NKAIN1: variants seen among roughly 807,000 people sequenced by gnomAD.
The protein encoded by NKAIN1 is sodium/potassium transporting ATPase interacting 1, also known as sodium/potassium-transporting ATPase subunit beta-1-interacting protein 1.
In NKAIN1, 13 loss-of-function variants were observed where a neutral mutation model predicts 31.6. The ratio of observed to expected loss-of-function variants is 0.41; its 90% CI spans 0.27 to 0.65. The LOEUF (loss-of-function observed/expected upper bound fraction) is 0.65, where lower values mean the gene tolerates loss of function less well. Ranked by LOEUF, NKAIN1 falls within the 30% of genes least tolerant of loss-of-function variation. The probability of loss-of-function intolerance (pLI) is 0.30; values close to 1 mark genes in which losing one functional copy is unlikely to be tolerated. For synonymous variants in NKAIN1, 104 were observed against 109.0 expected, an observed-to-expected ratio of 0.95 and a Z score of 0.28; for missense variants, 193 against 262.2, an observed-to-expected ratio of 0.74 and a Z score of 1.82.
chr1:31,201,691 T>C (rs1570460886), intron 1 of NKAIN1, among the ~76,000 whole-genome samples: 1 of 152,160 alleles, frequency 6.6e-6, no homozygotes, highest in Non-Finnish European at 1.5e-5. Context: ...ATGAGGAAAC[T>C]GAGGCCCAGA....
intron 1 of NKAIN1, among the ~76,000 whole-genome samples, chr1:31,232,422 T>G (rs866386613): frequency 0.015 from 391 of 25,758 alleles, 44 homozygotes; most frequent in African/African-American, 0.039. Context: ...TATATATATA[T>G]ATAGAGAGAG....
chr1:31,206,734 G>A (rs1175770519), intron 1 of NKAIN1, among the ~76,000 whole-genome samples: 1 of 151,122 alleles, frequency 6.6e-6, no homozygotes, highest in African/African-American at 2.4e-5. Context: ...ACTGCACCTG[G>A]CCTATTTTAA....
rs147921029 is a variant in NKAIN1 at position 31,222,657 on chromosome 1, G to A, written c.54+16837C>T. 4.6e-5 allele frequency among the ~76,000 whole-genome samples: 7 copies of A among 152,256 alleles called. No individual in the cohort carries two copies. The East Asian group carries it at 1.4e-3, about 29-fold the overall frequency. On this transcript the variant is annotated intron_variant, in intron 1 of 6. Coordinates refer to ENST00000373736, the MANE Select transcript of NKAIN1 (RefSeq NM_024522.3). The stretch of plus-strand genomic sequence containing the variant: ...AGGAGCACATTAAACAGCTTTTCAA[G>A]GCTCCCCAACAAGGAAGCTCAGAAC...
At chr1:31,210,980 C>T (rs60621051) in intron 1 of NKAIN1, among the ~76,000 whole-genome samples, 1 of 152,138 alleles carries the variant, frequency 6.6e-6, no homozygotes, top group Non-Finnish European at 1.5e-5. Flanking sequence ...AAACACTCAA[C>T]AAAATAGAAA....
In NKAIN1 at chr1:31,203,776, G is replaced by A. The variant is rs556299602; in HGVS notation, c.55-15589C>T. ...ATTTCTGTATTTTTAGTAGAGATGG[G>A]GTTTCACTATGTTGGCCAGGCTAGT... On this transcript the variant is annotated intron_variant, in intron 1 of 6. Transcript: ENST00000373736. 3.3e-5 allele frequency among the ~76,000 whole-genome samples: 5 copies of A among 152,098 alleles called. No homozygotes were observed. In the East Asian group the frequency reaches 9.7e-4, roughly 29 times the overall value.
chr1:31,206,542 C>T (rs1009416036), intron 1 of NKAIN1, among the ~76,000 whole-genome samples: 8 of 152,130 alleles, frequency 5.3e-5, no homozygotes, highest in Admixed American at 5.2e-4. Flanking sequence ...CTCAAGTGAT[C>T]CTCCTGTCTC....
chr1:31,181,587 G>C lies in NKAIN1; in HGVS notation c.*116C>G. On this transcript the variant is annotated 3_prime_UTR_variant, in exon 7 of 7. Coordinates refer to ENST00000373736, the MANE Select transcript of NKAIN1 (RefSeq NM_024522.3). ...TCTCCAGATGCAGACGCGGGGTTGG[G>C]CACAGGCTGCAGTGAGCGCGCGGGC... The C allele has an allele frequency of 1.0e-6, 1 of 979,126 alleles. No individual in the cohort carries two copies. Among genetic ancestry groups the C allele is most frequent in the Non-Finnish European group, 1.4e-6 (1 of 719,496 alleles). 60.7% of individuals were successfully genotyped at this position (979,126 alleles called of 1,614,324 possible). A position where few individuals can be genotyped will look rare whatever the true frequency, so the allele number is the denominator to read the frequency against.
chr1:31,228,423 G>A (rs1645623840), intron 1 of NKAIN1, among the ~76,000 whole-genome samples: 1 of 152,118 alleles, frequency 6.6e-6, no homozygotes, highest in Non-Finnish European at 1.5e-5. Flanking sequence ...GAGGTATGGG[G>A]TGGGAAGAAG....
chr1:31,209,989 TAAA>T (rs71569969), intron 1 of NKAIN1, among the ~76,000 whole-genome samples: 2 of 137,148 alleles, frequency 1.5e-5, no homozygotes, highest in Non-Finnish European at 1.6e-5. Context: ...CCTGTCTTAT[TAAA>T]AAAAAAAAAA....
intron 1 of NKAIN1, among the ~76,000 whole-genome samples, chr1:31,216,880 G>A (rs903859011): frequency 6.6e-6 from 1 of 151,724 alleles, no homozygotes; most frequent in South Asian, 2.1e-4. Flanking sequence ...TTTTGTGTGT[G>A]TGTGAGATGG....
rs1645717651 is a variant in NKAIN1 at position 31,239,523 on chromosome 1, T to C, written c.25A>G (p.Thr9Ala). The change falls in exon 1 of 7, where the codon ACG becomes GCG. Residue 9 changes from threonine (T) to alanine (A), a missense_variant. Transcript: ENST00000373736. The surrounding 1 kb of genome is among the most constrained non-coding windows in gnomAD (Gnocchi z 4.8). ...TGCAGGCAGCAGAAGGCGACCAGCG[T>C]GCAGCGCCCGCTGCACTTGCCCATG... MGKCSGRC[T>A]LVAFCCLQLV... 8 of 1,378,482 alleles carry C rather than the reference T, an allele frequency of 5.8e-6. No individual in the cohort carries two copies. In the Admixed American group the frequency reaches 2.6e-4, roughly 46 times the overall value. 85.4% of individuals were successfully genotyped at this position (1,378,482 alleles called of 1,614,324 possible). A position where few individuals can be genotyped will look rare whatever the true frequency, so the allele number is the denominator to read the frequency against.
intron 3 of NKAIN1, among the ~76,000 whole-genome samples, chr1:31,184,542 A>T (rs1438757500): frequency 6.6e-6 from 1 of 152,130 alleles, no homozygotes; most frequent in African/African-American, 2.4e-5. Flanking sequence ...TCCCCTCAGC[A>T]ACCACATGAA....
At chr1:31,238,868 G>T (rs1394524619) in intron 1 of NKAIN1, among the ~76,000 whole-genome samples, 1 of 152,174 alleles carries the variant, frequency 6.6e-6, no homozygotes, top group Admixed American at 6.5e-5. Flanking sequence ...CCTTTCCCAG[G>T]ACTGCCCGGT....
intron 1 of NKAIN1, among the ~76,000 whole-genome samples, chr1:31,191,410 T>TG (rs1645285336): frequency 6.6e-6 from 1 of 151,570 alleles, no homozygotes. Flanking sequence ...GTTTTTTTTT[T>TG]TTTTTTTTTT....
chr1:31,202,078 C>T lies in NKAIN1; in HGVS notation c.55-13891G>A, dbSNP rs1170882255. ...ACCAGCTTGGAGCTGCTAGGGAGGC[C>T]CAGGATGCGACTGATTGGGCCAGCC... On this transcript the variant is annotated intron_variant, in intron 1 of 6. Transcript: ENST00000373736. Among the ~76,000 whole-genome samples the T allele has an allele frequency of 2.0e-5, 3 of 152,164 alleles. No individual in the cohort carries two copies. In the East Asian group the frequency reaches 5.8e-4, roughly 29 times the overall value.
At position 31,185,342 on chromosome 1, in the gene NKAIN1, G is replaced by A. The variant is rs1189683462; in HGVS notation, c.193-15C>T. 1.3e-6 allele frequency: 2 copies of A among 1,596,838 alleles called. No individual in the cohort carries two copies. Among genetic ancestry groups the A allele is most frequent in the South Asian group, 2.3e-5 (2 of 88,474 alleles). On this transcript the variant is annotated splice_polypyrimidine_tract_variant and intron_variant, in intron 2 of 6. Coordinates refer to ENST00000373736, the MANE Select transcript of NKAIN1 (RefSeq NM_024522.3). The stretch of plus-strand genomic sequence containing the variant: ...CAGGCTGCATACTGGGGAAAGCAGA[G>A]GTGGGATCAGGGTGGGGCCTGGGGA...
intron 2 of NKAIN1, 104 bp downstream of exon 2, chr1:31,187,946 G>A (rs1645257577): frequency 2.4e-6 from 3 of 1,232,712 alleles, no homozygotes; most frequent in South Asian, 1.6e-5. Context: ...CAAGACCAGT[G>A]CCCCAGTGTT....
rs144236386 is a variant in NKAIN1, at chr1:31,207,121, G to A, written c.55-18934C>T. 2.8e-4 allele frequency among the ~76,000 whole-genome samples: 43 copies of A among 152,296 alleles called. No individual in the cohort carries two copies. The East Asian group carries it at 8.3e-3, about 29-fold the overall frequency. Reference sequence around the variant, plus strand: ...TGTTAAATCCTTGGTTTCATACCAAGATCAGATTCTTGCTGCTTGTTCCCC... The same window carrying A: ...TGTTAAATCCTTGGTTTCATACCAAAATCAGATTCTTGCTGCTTGTTCCCC... On this transcript the variant is annotated intron_variant, in intron 1 of 6. Coordinates refer to ENST00000373736, the MANE Select transcript of NKAIN1 (RefSeq NM_024522.3).
intron 1 of NKAIN1, among the ~76,000 whole-genome samples, chr1:31,212,290 C>A (rs908589501): frequency 6.6e-6 from 1 of 152,014 alleles, no homozygotes; most frequent in African/African-American, 2.4e-5. Flanking sequence ...ACACCATATA[C>A]AAAAATTAAC....
Sources: allele counts gnomAD v4.1 joint callset (sites outside exome capture counted in the v4.1 genomes callset), GRCh38; gene constraint gnomAD v4.1.1; non-coding constraint Gnocchi (gnomAD v3.1); transcripts MANE v1.5; gene names NCBI Gene and HGNC (gene_info 2026-07-23, HGNC 2026-07-21).